The following ALDH1A3 variants were observed in gnomAD, a reference collection of about 807,000 sequenced individuals.
ALDH1A3 encodes aldehyde dehydrogenase 1 family member A3, also known as retinaldehyde dehydrogenase 3.
A neutral mutation model predicts 57.5 loss-of-function variants in ALDH1A3; 28 were observed. The ratio of observed to expected loss-of-function variants is 0.49; its 90% CI spans 0.36 to 0.67. The LOEUF (loss-of-function observed/expected upper bound fraction) is 0.67, where lower values mean the gene tolerates loss of function less well. Among genes scored for constraint, ALDH1A3 ranks in the 30% least tolerant of loss-of-function variants. ALDH1A3 has a pLI of 0.00. For missense variants in ALDH1A3, 507 were observed against 669.4 expected, an observed-to-expected ratio of 0.76 and a Z score of 2.68; for synonymous variants, 281 against 264.8, an observed-to-expected ratio of 1.06 and a Z score of -0.59.
chr15:100,896,986 C>T (rs1364319454), intron 7 of ALDH1A3, among the ~76,000 whole-genome samples: 3 of 152,206 alleles, frequency 2.0e-5, no homozygotes, highest in African/African-American at 7.2e-5. Flanking sequence ...CGGAGGGAAG[C>T]TGAAGGCTTT....
At chr15:100,898,268 C>A in intron 8 of ALDH1A3, 83 bp downstream of exon 8, 3 of 1,229,648 alleles carry the variant, frequency 2.4e-6, no homozygotes, top group Non-Finnish European at 3.5e-6. Context: ...AATTCAAAAC[C>A]AACTGAGAGT....
chr15:100,884,404 C>T (rs2041573775), intron 1 of ALDH1A3, among the ~76,000 whole-genome samples: 1 of 152,208 alleles, frequency 6.6e-6, no homozygotes, highest in African/African-American at 2.4e-5. Flanking sequence ...TCATTCTCAT[C>T]TGCATTCTGG....
At chr15:100,884,906 A>T (rs560067101) in intron 1 of ALDH1A3, among the ~76,000 whole-genome samples, 1 of 152,128 alleles carries the variant, frequency 6.6e-6, no homozygotes, top group Non-Finnish European at 1.5e-5. Flanking sequence ...CTTCCCCCAA[A>T]GTCTATTGGG....
chr15:100,887,423 A>C lies in ALDH1A3; in HGVS notation c.205-149A>C. The C allele has an allele frequency of 6.7e-6, 6 of 896,096 alleles. No individual in the cohort carries two copies. The highest frequency in any genetic ancestry group is 8.2e-6 in the Non-Finnish European group (5 of 607,038). 55.5% of individuals were successfully genotyped at this position (896,096 alleles called of 1,614,324 possible). A position where few individuals can be genotyped will look rare whatever the true frequency, so the allele number is the denominator to read the frequency against. On this transcript the variant is annotated intron_variant, in intron 2 of 12. Transcript: ENST00000329841. The surrounding 1 kb of genome is among the most constrained non-coding windows in gnomAD (Gnocchi z 4.6). ...AACTGCAGTCACTTCAAAAGATGAC[A>C]CCCAAACTGCAGTCACGTCAAAAGA...
chr15:100,895,744 G>A (rs2041695901), intron 6 of ALDH1A3, 189 bp from the exon 7 acceptor site: 1 of 598,292 alleles, frequency 1.7e-6, no homozygotes, highest in Non-Finnish European at 3.0e-6. Flanking sequence ...TGGGCTGGCA[G>A]CAGGGGATGA....
rs71151987 is a variant in ALDH1A3, at chr15:100,907,844, C to CTTTTTTTTTTTTTTT, written c.1392-556_1392-542dup. Among the ~76,000 whole-genome samples the CTTTTTTTTTTTTTTT allele has an allele frequency of 1.1e-3, 90 of 81,918 alleles. 1 individual carries two copies. The highest frequency in any genetic ancestry group is 1.4e-3 in the Non-Finnish European group (68 of 46,902). 53.7% of individuals were successfully genotyped at this position (81,918 alleles called of 152,430 possible). On this transcript the variant is annotated intron_variant, in intron 11 of 12. Transcript: ENST00000329841. ...GATTTTTCTTTTTCTTTCTTTCTTT[C>CTTTTTTTTTTTTTTT]TTTTTTTTTTTTTTTTTTTTTTGAG...
chr15:100,913,136 C>T (rs1440831672), intron 12 of ALDH1A3: 3 of 145,876 alleles, frequency 2.1e-5, no homozygotes, highest in Non-Finnish European at 4.5e-5. Context: ...CCAGCCTGGG[C>T]GACAGAGCGA....
chr15:100,895,894 G>T (rs1156564858), intron 6 of ALDH1A3, 39 bp from the exon 7 acceptor site: 1 of 1,538,814 alleles, frequency 6.5e-7, no homozygotes, highest in East Asian at 2.3e-5. Context: ...GGTGGATGAA[G>T]TCCGTTCTTC....
rs117188731 is a variant in ALDH1A3, at chr15:100,896,649, C to G, written c.780+603C>G. Among the ~76,000 whole-genome samples the G allele has an allele frequency of 3.9e-3, 588 of 152,270 alleles. 12 individuals are homozygous for G. Among genetic ancestry groups the G allele is most frequent in the East Asian group, 0.023 (121 of 5,190 alleles). On this transcript the variant is annotated intron_variant, in intron 7 of 12. Transcript: ENST00000329841. ...TAAGATGCACAGTGTTTTGGTAGCA[C>G]TCATCCAACATTTAAAGTGAAAAAC...
rs28384196 is a variant in ALDH1A3 at position 100,890,622 on chromosome 15, C to G, written c.346-1888C>G. On this transcript the variant is annotated intron_variant, in intron 3 of 12. Coordinates refer to ENST00000329841, the MANE Select transcript of ALDH1A3 (RefSeq NM_000693.4). ...ATTATCTCATTTCAGAGATGAGAAA[C>G]TGAGGCCCAGAGAGGTTAAGTAACC... is the stretch of plus-strand genomic sequence containing the variant. Among the ~76,000 whole-genome samples the G allele has an allele frequency of 7.4e-3, 1,120 of 152,248 alleles. 16 individuals are homozygous for G. Among genetic ancestry groups the G allele is most frequent in the East Asian group, 0.022 (115 of 5,178 alleles).
At position 100,887,682 on chromosome 15, in the gene ALDH1A3, C is replaced by G; in HGVS notation, c.315C>G (p.Asp105Glu). 1 of 1,610,532 alleles carries G rather than the reference C, an allele frequency of 6.2e-7. No individual in the cohort carries two copies. The highest frequency in any genetic ancestry group is 1.3e-5 in the African/African-American group (1 of 74,964). ...GGCGGCTGCTGCACCAGCTGGCTGA[C>G]CTGGTGGAGAGGGACCGCGCCACCT... The part of the protein sequence containing the change: ...SRGRLLHQLA[D>E]LVERDRATLA... The change falls in exon 3 of 13, where the codon GAC (aspartate) becomes GAG (glutamate). Residue 105 changes from aspartate (D) to glutamate (E), a missense_variant. This residue lies in a region of ALDH1A3 where 432 missense variants were observed against 608.4 expected (regional missense o/e 0.71). Transcript: ENST00000329841. The surrounding 1 kb of genome is among the most constrained non-coding windows in gnomAD (Gnocchi z 4.6).
chr15:100,887,839 T>C lies in ALDH1A3; in HGVS notation c.345+127T>C. On this transcript the variant is annotated intron_variant, in intron 3 of 12. Transcript: ENST00000329841. This position sits in a 1 kb window ranked among gnomAD's most constrained non-coding sequence, Gnocchi z 4.6. ...GTGGTCGTGGGTCTGTTCCATCCTCTGAGACACGGCTCTCTGGCAATACTT... is the reference window on the plus strand; with the variant it reads ...GTGGTCGTGGGTCTGTTCCATCCTCCGAGACACGGCTCTCTGGCAATACTT... 2 of 1,166,700 alleles carry C rather than the reference T, an allele frequency of 1.7e-6. No individual in the cohort carries two copies. The highest frequency in any genetic ancestry group is 2.3e-6 in the Non-Finnish European group (2 of 873,412). The allele number at this position is 1,166,700 out of a possible 1,614,324, so 72.3% of individuals were successfully genotyped here.
rs1254654751 is a variant in ALDH1A3, at chr15:100,915,079, TG to T, written c.*308del. 2.1e-5 allele frequency: 8 copies of T among 380,324 alleles called. No homozygotes were observed. Among genetic ancestry groups the T allele is most frequent in the Non-Finnish European group, 4.0e-5 (8 of 201,864 alleles). The allele number at this position is 380,324 out of a possible 1,614,324, so 23.6% of individuals were successfully genotyped here. A position where few individuals can be genotyped will look rare whatever the true frequency, so the allele number is the denominator to read the frequency against. On this transcript the variant is annotated 3_prime_UTR_variant, in exon 13 of 13. Transcript: ENST00000329841. ...TACTCAGGGCGTTGTTAACAGGGAG[TG>T]GTATTTGAAGTGTCCAGCAGTTGCT...
chr15:100,898,163 C>T lies in ALDH1A3; in HGVS notation c.861C>T (p.Cys287=), dbSNP rs770994060. The part of the protein sequence containing the change: ...VTLELGGKNP[C]IVCADADLDL... ...TGGAGCTGGGGGGGAAGAACCCCTG[C>T]ATCGTGTGTGCGGACGCTGACTGTG... The change falls in exon 8 of 13, where the codon TGC becomes TGT. Residue 287 remains cysteine (C), a synonymous_variant. Transcript: ENST00000329841. The T allele has an allele frequency of 3.1e-6, 5 of 1,614,132 alleles. No homozygotes were observed. In the South Asian group the frequency reaches 5.5e-5, roughly 18 times the overall value.
intron 1 of ALDH1A3, among the ~76,000 whole-genome samples, chr15:100,883,141 T>C (rs2041562301): frequency 6.6e-6 from 1 of 152,178 alleles, no homozygotes; most frequent in African/African-American, 2.4e-5. Flanking sequence ...TATATTCTCT[T>C]CTGCCACCTT....
In ALDH1A3 at chr15:100,887,581, G is replaced by A; in HGVS notation, c.214G>A (p.Asp72Asn). The A allele has an allele frequency of 6.2e-7, 1 of 1,602,084 alleles. No homozygotes were observed. The highest frequency in any genetic ancestry group is 1.1e-5 in the South Asian group (1 of 89,430). ...TGTTCTGGTCGCTCAGCCCGACGTG[G>A]ACAAGGCTGTGGAGGCTGCACAGGT... Reference protein sequence around the residue: ...EVEEGDKPDVDKAVEAAQVAF... With the variant: ...EVEEGDKPDVNKAVEAAQVAF... Residue 72 changes from aspartate to asparagine, a missense_variant, in exon 3 of 13, where the codon GAC becomes AAC. Asp to Asn is a conservative substitution (Grantham distance 23, BLOSUM62 1). This residue lies in a region of ALDH1A3 where 432 missense variants were observed against 608.4 expected (regional missense o/e 0.71). Transcript: ENST00000329841. This position sits in a 1 kb window ranked among gnomAD's most constrained non-coding sequence, Gnocchi z 4.6.
At chr15:100,890,049 C>T (rs2041634584) in intron 3 of ALDH1A3, among the ~76,000 whole-genome samples, 1 of 152,206 alleles carries the variant, frequency 6.6e-6, no homozygotes, top group East Asian at 1.9e-4. Context: ...TCCAGCGGCC[C>T]CTGGATGGCT....
At chr15:100,880,468 C>G in intron 1 of ALDH1A3, 1 of 346,238 alleles carries the variant, frequency 2.9e-6, no homozygotes, top group Non-Finnish European at 5.2e-6. Context: ...GTCCGGGAGG[C>G]AGATGGCGGA....
chr15:100,904,194 G>A (rs1567173052), intron 9 of ALDH1A3, among the ~76,000 whole-genome samples: 1 of 151,808 alleles, frequency 6.6e-6, no homozygotes, highest in Non-Finnish European at 1.5e-5. Context: ...AACTGGGTTT[G>A]GAGTTTGGCC....
Sources: allele counts gnomAD v4.1 joint callset (sites outside exome capture counted in the v4.1 genomes callset), GRCh38; gene constraint gnomAD v4.1.1; regional missense constraint gnomAD v4.1.1; non-coding constraint Gnocchi (gnomAD v3.1); transcripts MANE v1.5; gene names NCBI Gene and HGNC (gene_info 2026-07-23, HGNC 2026-07-21).